ANK2: variants seen among roughly 807,000 people sequenced by gnomAD.
ANK2 encodes ankyrin 2.
In ANK2, 83 loss-of-function variants were observed where a neutral mutation model predicts 360.5. The ratio of observed to expected loss-of-function variants is 0.23; its 90% confidence interval spans 0.19 to 0.28. The LOEUF is 0.28. ANK2 is among the 10% of genes least tolerant of loss of function. ANK2 has a pLI of 1.00. For synonymous variants in ANK2, 1,740 were observed against 1,759.5 expected (o/e 0.99, Z 0.28); for missense variants, 4,201 against 4,795.7 (o/e 0.88, Z 3.66).
chr4:112,753,028 C>T, the ANK2 span, among the ~76,000 whole-genome samples: 21 of 152,270 alleles, frequency 1.4e-4, no homozygotes, highest in Admixed American at 3.9e-4. Flanking sequence ...CTTCATTTCA[C>T]GAATATGCTG....
At chr4:113,250,758 C>G (rs1563172707) in intron 10 of ANK2, among the ~76,000 whole-genome samples, 1 of 132,276 alleles carries the variant, frequency 7.6e-6, no homozygotes, top group Non-Finnish European at 1.7e-5. Flanking sequence ...TACCACCGCC[C>G]CCCCCCCCGA....
intron 2 of ANK2, among the ~76,000 whole-genome samples, chr4:113,042,500 T>A (rs1344148756): frequency 6.6e-6 from 1 of 152,192 alleles, no homozygotes; most frequent in Non-Finnish European, 1.5e-5. Flanking sequence ...CCAAAGGCCT[T>A]GTCTTCCAAC....
chr4:112,712,411 T>A, the ANK2 span, among the ~76,000 whole-genome samples: 2,519 of 124,152 alleles, frequency 0.02, 79 homozygotes, highest in African/African-American at 0.076. Context: ...TATATATTTT[T>A]TTTTTTTTTT....
At chr4:113,334,515 A>G (rs2093149312) in intron 29 of ANK2, among the ~76,000 whole-genome samples, 1 of 150,636 alleles carries the variant, frequency 6.6e-6, no homozygotes, top group Admixed American at 6.6e-5. Flanking sequence ...CATGGGTATT[A>G]ATAGAAAGTT....
intron 1 of ANK2, among the ~76,000 whole-genome samples, chr4:113,101,036 A>G (rs1459213830): frequency 6.6e-6 from 1 of 152,118 alleles, no homozygotes. Flanking sequence ...ACTATTCTGT[A>G]TGATCTTGTA....
intron 1 of ANK2, among the ~76,000 whole-genome samples, chr4:113,162,505 T>C (rs2097571990): frequency 6.6e-6 from 1 of 152,234 alleles, no homozygotes; most frequent in Non-Finnish European, 1.5e-5. Flanking sequence ...TTCGTGCCCC[T>C]ATGACATTGC....
rs755784360 is a variant in ANK2 at position 113,363,347 on chromosome 4, G to C, written c.10766G>C (p.Arg3589Thr). Residue 3589 changes from arginine (R) to threonine (T), a missense_variant, in exon 40 of 46, where the codon AGA becomes ACA. Transcript: ENST00000357077. ...HLGFSWTELA[R>T]ELDFTEEQIH... is the part of the protein sequence containing the mutation. ...GTATTTTATCTTCTAGAATTAGCAA[G>C]AGAACTGGATTTCACTGAGGAGCAA... 6.2e-7 allele frequency: 1 copy of C among 1,612,998 alleles called. No individual in the cohort carries two copies. Among genetic ancestry groups the C allele is most frequent in the Non-Finnish European group, 8.5e-7 (1 of 1,179,496 alleles).
intron 1 of ANK2, chr4:113,148,987 C>G (rs13132078): frequency 0.69 from 104,457 of 152,098 alleles, 36,499 homozygotes; most frequent in African/African-American, 0.81. Flanking sequence ...GAGAGCTCTA[C>G]ACCAGGAAAT....
At chr4:113,373,527 T>A (rs2154075684) in intron 45 of ANK2, 78 bp downstream of exon 45, 1 of 1,463,450 alleles carries the variant, frequency 6.8e-7, no homozygotes. Flanking sequence ...GTGAGATTGT[T>A]TATTCATATT....
At chr4:113,005,817 A>G (rs956402947) in intron 2 of ANK2, among the ~76,000 whole-genome samples, 1 of 152,114 alleles carries the variant, frequency 6.6e-6, no homozygotes, top group African/African-American at 2.4e-5. Flanking sequence ...CTGTCTTCAC[A>G]GTAATGAGTG....
At chr4:112,794,000 A>G in the ANK2 span, among the ~76,000 whole-genome samples, 1 of 152,068 alleles carries the variant, frequency 6.6e-6, no homozygotes, top group African/African-American at 2.4e-5. Flanking sequence ...CCCAGCCAAT[A>G]ATTTTCTCCA....
At chr4:113,249,925 T>G in intron 10 of ANK2, 63 bp downstream of exon 10, 12 of 1,417,240 alleles carry the variant, frequency 8.5e-6, no homozygotes, top group African/African-American at 1.4e-5. Flanking sequence ...GTATTATCTC[T>G]ATTCTTTTTT....
chr4:112,868,880 A>G (rs551225312), intron 1 of ANK2, among the ~76,000 whole-genome samples: 4 of 152,288 alleles, frequency 2.6e-5, no homozygotes, highest in Admixed American at 1.3e-4. Context: ...GTTTTTATAT[A>G]TTATGGATAC....
At chr4:112,870,782 A>G (rs1275348440) in intron 1 of ANK2, among the ~76,000 whole-genome samples, 2 of 152,188 alleles carry the variant, frequency 1.3e-5, no homozygotes, top group East Asian at 1.9e-4. Flanking sequence ...TAGGTCCCTT[A>G]CAATTCTATG....
chr4:113,039,392 C>T (rs2154311613), intron 2 of ANK2, among the ~76,000 whole-genome samples: 1 of 152,090 alleles, frequency 6.6e-6, no homozygotes, highest in Non-Finnish European at 1.5e-5. Flanking sequence ...ATTATAGAAA[C>T]CCCTGATCTT....
rs141018364 is a variant in ANK2 at position 113,078,531 on chromosome 4, A to C, written c.84+28719A>C. Among the ~76,000 whole-genome samples the C allele has an allele frequency of 2.7e-3, 415 of 152,292 alleles. 2 individuals carry two copies. The highest frequency in any genetic ancestry group is 9.5e-3 in the African/African-American group (394 of 41,572). On this transcript the variant is annotated intron_variant, in intron 1 of 45. Coordinates refer to ENST00000357077, the MANE Select transcript of ANK2 (RefSeq NM_001148.6). ...TCATACAGATTATGATTTTTTTCCAAAATTAACCTGAAATCTCATAGGATT... is the reference window on the plus strand; with the variant it reads ...TCATACAGATTATGATTTTTTTCCACAATTAACCTGAAATCTCATAGGATT...
At chr4:112,769,334 C>T in the ANK2 span, among the ~76,000 whole-genome samples, 1 of 152,202 alleles carries the variant, frequency 6.6e-6, no homozygotes, top group Non-Finnish European at 1.5e-5. Flanking sequence ...AAACATACCA[C>T]ATTGCCCAGC....
the ANK2 span, among the ~76,000 whole-genome samples, chr4:112,744,946 T>C: frequency 6.6e-6 from 1 of 152,254 alleles, no homozygotes. Flanking sequence ...TATTTGTGAA[T>C]GTCTGTTGAC....
intron 29 of ANK2, 48 bp downstream of exon 29, chr4:113,333,256 A>G: frequency 6.2e-7 from 1 of 1,608,612 alleles, no homozygotes; most frequent in Non-Finnish European, 8.5e-7. Context: ...TGGAAGCATG[A>G]AAATGATTCA....
Sources: gnomAD v4.1 joint callset for allele counts (sites outside exome capture counted in the v4.1 genomes callset) on GRCh38, gnomAD v4.1.1 for gene constraint, MANE v1.5 for transcripts, NCBI Gene and HGNC (gene_info 2026-07-23, HGNC 2026-07-21) for gene names.